The following HSF2BP variants were observed in gnomAD, a reference collection of about 807,000 sequenced individuals.
HSF2BP encodes the protein heat shock factor 2-binding protein.
HSF2BP carries 35 observed loss-of-function variants against 35.0 expected under a neutral mutation model. The observed-to-expected ratio is 1.00, with a 90% CI of 0.76 to 1.32. The LOEUF (loss-of-function observed/expected upper bound fraction) is 1.32, where lower values mean the gene tolerates loss of function less well. Ranked by LOEUF, HSF2BP falls within the 40% of genes most tolerant of loss-of-function variation. The pLI, the probability that HSF2BP is intolerant of heterozygous loss-of-function variation, is 0.00. For missense variants in HSF2BP, 326 were observed against 321.7 expected, an observed-to-expected ratio of 1.01 and a Z score of -0.10; for synonymous variants, 114 against 117.4, an observed-to-expected ratio of 0.97 and a Z score of 0.18.
chr21:43,622,970 CTTT>C (rs34892715), intron 6 of HSF2BP, among the ~76,000 whole-genome samples: 1 of 146,576 alleles, frequency 6.8e-6, no homozygotes, highest in African/African-American at 2.5e-5. Context: ...TATCAAACAG[CTTT>C]TTTTTTTTTT....
intron 7 of HSF2BP, among the ~76,000 whole-genome samples, chr21:43,603,425 G>A (rs112082523): frequency 0.041 from 6,249 of 152,282 alleles, 442 homozygotes; most frequent in African/African-American, 0.14. Flanking sequence ...ATGGCTGAAT[G>A]ACTAAGGAGA....
At chr21:43,590,811 C>T (rs932658302) in intron 8 of HSF2BP, among the ~76,000 whole-genome samples, 12 of 152,078 alleles carry the variant, frequency 7.9e-5, no homozygotes, top group Non-Finnish European at 1.2e-4. Flanking sequence ...CTAACTACAG[C>T]GCAGAAAGGA....
intron 7 of HSF2BP, among the ~76,000 whole-genome samples, chr21:43,601,511 G>A (rs1338756947): frequency 6.6e-6 from 1 of 152,054 alleles, no homozygotes; most frequent in African/African-American, 2.4e-5. Flanking sequence ...GGCCAAATAA[G>A]CAAATTACTT....
At chr21:43,587,100 C>T (rs1426604165) in intron 8 of HSF2BP, among the ~76,000 whole-genome samples, 1 of 152,152 alleles carries the variant, frequency 6.6e-6, no homozygotes, top group Non-Finnish European at 1.5e-5. Flanking sequence ...CCACCAGCAC[C>T]ACGAACTATT....
At chr21:43,601,557 T>C (rs190368844) in intron 7 of HSF2BP, among the ~76,000 whole-genome samples, 5 of 152,312 alleles carry the variant, frequency 3.3e-5, no homozygotes, top group Admixed American at 3.3e-4. Context: ...GTACACAGAA[T>C]GACCAAACTA....
Position 43,617,988 on chromosome 21 carries a change from G to GTGGCTC in HSF2BP, c.575-4047_575-4042dup, listed in dbSNP as rs540844622. ...AGGAAATAAATCTGGGCCAAGCATA[G>GTGGCTC]TGGCTCACACCTATAATCCCAATAC... On this transcript the variant is annotated intron_variant, in intron 6 of 8. Transcript: ENST00000291560. Among the ~76,000 whole-genome samples, 15 of 152,068 alleles carry GTGGCTC rather than the reference G, an allele frequency of 9.9e-5. No homozygotes were observed. In the South Asian group the frequency reaches 3.1e-3, roughly 32 times the overall value.
At chr21:43,576,138 GT>G (rs2081641528) in intron 8 of HSF2BP, among the ~76,000 whole-genome samples, 2 of 136,608 alleles carry the variant, frequency 1.5e-5, no homozygotes, top group East Asian at 2.1e-4. Context: ...AAAAAAAAAA[GT>G]CATTTCCAAA....
chr21:43,617,372 A>G (rs982584992), intron 6 of HSF2BP, among the ~76,000 whole-genome samples: 2 of 151,988 alleles, frequency 1.3e-5, no homozygotes, highest in Admixed American at 6.6e-5. Flanking sequence ...TCACTAAAAC[A>G]TGAACTACAA....
At chr21:43,605,384 CCA>C (rs565434613) in intron 7 of HSF2BP, among the ~76,000 whole-genome samples, 100 of 147,868 alleles carry the variant, frequency 6.8e-4, no homozygotes, top group African/African-American at 2.2e-3. Flanking sequence ...GACACACACA[CCA>C]CACACACACC....
chr21:43,580,357 T>C (rs1301216771), intron 8 of HSF2BP, among the ~76,000 whole-genome samples: 2 of 152,216 alleles, frequency 1.3e-5, no homozygotes, highest in Admixed American at 6.5e-5. Flanking sequence ...TGCGCTCAGC[T>C]TGTCAGACTG....
intron 4 of HSF2BP, among the ~76,000 whole-genome samples, chr21:43,633,831 G>GCTCAAT (rs1372298721): frequency 1.3e-5 from 2 of 152,084 alleles, no homozygotes; most frequent in Non-Finnish European, 2.9e-5. Context: ...CCTCCAAATG[G>GCTCAAT]CTCACTCCAT....
intron 4 of HSF2BP, among the ~76,000 whole-genome samples, chr21:43,634,632 T>C (rs768897984): frequency 6.6e-6 from 1 of 152,174 alleles, no homozygotes; most frequent in Non-Finnish European, 1.5e-5. Context: ...GGCCCACTCA[T>C]AGTTACCTGG....
chr21:43,632,316 CCA>C (rs1209146962), intron 5 of HSF2BP, among the ~76,000 whole-genome samples: 15 of 90,226 alleles, frequency 1.7e-4, no homozygotes, highest in Non-Finnish European at 2.8e-4. Flanking sequence ...ACACACGCTC[CCA>C]CACACACACT....
At chr21:43,573,479 CAT>C (rs1027304742) in intron 8 of HSF2BP, among the ~76,000 whole-genome samples, 2 of 152,228 alleles carry the variant, frequency 1.3e-5, no homozygotes, top group African/African-American at 4.8e-5. Context: ...CAACCAGTAA[CAT>C]ATGAAGAGTC....
chr21:43,581,898 G>C (rs540091527), intron 8 of HSF2BP, among the ~76,000 whole-genome samples: 1 of 146,026 alleles, frequency 6.8e-6, no homozygotes, highest in South Asian at 2.2e-4. Flanking sequence ...CCTGCTGTGG[G>C]GAATGAGGCC....
chr21:43,616,837 A>G (rs1601675276), intron 6 of HSF2BP, among the ~76,000 whole-genome samples: 2 of 152,142 alleles, frequency 1.3e-5, no homozygotes, highest in African/African-American at 4.8e-5. Flanking sequence ...ATGCTGAGGC[A>G]GGAGAATGGT....
chr21:43,605,831 C>T (rs1323018227), intron 7 of HSF2BP, among the ~76,000 whole-genome samples: 2 of 151,552 alleles, frequency 1.3e-5, no homozygotes, highest in African/African-American at 2.4e-5. Context: ...CACCATACAC[C>T]CCAAAAAATA....
At chr21:43,624,782 T>C (rs2082369908) in intron 6 of HSF2BP, among the ~76,000 whole-genome samples, 1 of 152,182 alleles carries the variant, frequency 6.6e-6, no homozygotes, top group African/African-American at 2.4e-5. Flanking sequence ...ATTTAAAAGA[T>C]TTCACTAGGA....
chr21:43,656,303 C>T (rs1187574275), intron 3 of HSF2BP, among the ~76,000 whole-genome samples: 1 of 152,182 alleles, frequency 6.6e-6, no homozygotes, highest in African/African-American at 2.4e-5. Context: ...CAGAATAGAG[C>T]TTTTCAGTTA....
Sources: gnomAD v4.1 joint callset for allele counts (sites outside exome capture counted in the v4.1 genomes callset) on GRCh38, gnomAD v4.1.1 for gene constraint, MANE v1.5 for transcripts, NCBI Gene and HGNC (gene_info 2026-07-23, HGNC 2026-07-21) for gene names.